Variants in PRRC2B observed in about 807,000 individuals in gnomAD.
PRRC2B encodes protein PRRC2B.
In PRRC2B, 68 loss-of-function variants were observed where a neutral mutation model predicts 242.3. The observed-to-expected ratio is 0.28, with a 90% confidence interval of 0.23 to 0.34. The LOEUF (loss-of-function observed/expected upper bound fraction) is 0.34, where lower values mean the gene tolerates loss of function less well. Among genes scored for constraint, PRRC2B ranks in the 10% least tolerant of loss-of-function variants. The pLI is 1.00. For missense variants in PRRC2B, 2,835 were observed against 2,954.8 expected (o/e 0.96, Z 0.94); for synonymous variants, 1,228 against 1,173.6 (o/e 1.05, Z -0.95).
At chr9:131,421,560 G>A (rs776798712) in intron 1 of PRRC2B, among the ~76,000 whole-genome samples, 3 of 152,162 alleles carry the variant, frequency 2.0e-5, no homozygotes, top group Non-Finnish European at 4.4e-5. Flanking sequence ...CTTTCCGTTC[G>A]TTCTATAAAG....
chr9:131,473,861 C>T (rs930003940), intron 15 of PRRC2B, 137 bp downstream of exon 15: 25 of 648,070 alleles, frequency 3.9e-5, no homozygotes, highest in Middle Eastern at 8.3e-4. Flanking sequence ...CTCCTGGTTC[C>T]TCTGGGGAAG....
intron 31 of PRRC2B, among the ~76,000 whole-genome samples, chr9:131,495,244 G>A (rs1011651772): frequency 8.5e-5 from 13 of 152,108 alleles, no homozygotes; most frequent in African/African-American, 3.1e-4. Flanking sequence ...CCAGGGAAAG[G>A]TTACAGAGTG....
intron 1 of PRRC2B, among the ~76,000 whole-genome samples, chr9:131,427,363 C>T (rs1838004809): frequency 6.6e-6 from 1 of 151,930 alleles, no homozygotes; most frequent in Non-Finnish European, 1.5e-5. Context: ...TGGAGTCTTG[C>T]TCTGTTGCCC....
chr9:131,390,780 G>C (rs917396905), upstream of PRRC2B, among the ~76,000 whole-genome samples: 1 of 73,736 alleles, frequency 1.4e-5, no homozygotes, highest in African/African-American at 5.2e-5. Flanking sequence ...CTGTGCCCTA[G>C]CTTTTTTTTT....
At position 131,480,619 on chromosome 9, in the gene PRRC2B, AT is replaced by A. The variant is rs77800389; in HGVS notation, c.4901-1093del. 7.7e-3 allele frequency among the ~76,000 whole-genome samples: 1,105 copies of A among 144,062 alleles called. 5 individuals carry two copies. Among genetic ancestry groups the A allele is most frequent in the East Asian group, 0.029 (143 of 4,906 alleles). The allele number at this position is 144,062 out of a possible 152,430, so 94.5% of individuals were successfully genotyped here. ...GGATATTAAAATAGCATGTGAAAGG[AT>A]TTTTTTTTTTTTTAAAGATGGGGTC... is the stretch of plus-strand genomic sequence containing the variant. On this transcript the variant is annotated intron_variant, in intron 19 of 31. Transcript: ENST00000683519.
rs141107205 is a variant in PRRC2B at position 131,424,641 on chromosome 9, G to A, written c.-51-5453G>A. On this transcript the variant is annotated intron_variant, in intron 1 of 31. Transcript: ENST00000683519. ...GCAGAGGTTATAGTGAGCCAAGATTGTGCCACTGCACTCCAGCCCGGGCGA... is the reference window on the plus strand; with the variant it reads ...GCAGAGGTTATAGTGAGCCAAGATTATGCCACTGCACTCCAGCCCGGGCGA... 8.6e-4 allele frequency among the ~76,000 whole-genome samples: 131 copies of A among 152,202 alleles called. 1 individual carries two copies. Among genetic ancestry groups the A allele is most frequent in the African/African-American group, 2.9e-3 (122 of 41,540 alleles).
intron 10 of PRRC2B, among the ~76,000 whole-genome samples, chr9:131,456,946 A>G (rs529324720): frequency 2.0e-5 from 3 of 152,296 alleles, no homozygotes; most frequent in Non-Finnish European, 2.9e-5. Flanking sequence ...TTAAAATGTA[A>G]TGTTTTATAT....
chr9:131,457,961 C>T (rs1943131131), intron 10 of PRRC2B, among the ~76,000 whole-genome samples: 1 of 152,164 alleles, frequency 6.6e-6, no homozygotes, highest in South Asian at 2.1e-4. Context: ...CATCTGCCAT[C>T]CCTGATTCCC....
intron 6 of PRRC2B, among the ~76,000 whole-genome samples, chr9:131,445,450 C>T (rs1475010013): frequency 2.0e-5 from 3 of 152,196 alleles, no homozygotes; most frequent in South Asian, 2.1e-4. Context: ...TGAGCCACCG[C>T]GCCCAGCCTG....
chr9:131,486,383 G>A, intron 26 of PRRC2B: 1 of 609,474 alleles, frequency 1.6e-6, no homozygotes, highest in Non-Finnish European at 2.1e-6. Flanking sequence ...GAGTGGAGTT[G>A]GCTGCTCCAG....
rs575032685 is a variant in PRRC2B at position 131,455,174 on chromosome 9, C to T, written c.1211+8C>T. On this transcript the variant is annotated splice_region_variant and intron_variant, in intron 10 of 31. Transcript: ENST00000683519. Reference sequence around the variant, plus strand: ...GGACGGCAGGCCAAAGTGGTAAGGACCCGTTCCTGCCCTATCAGCATGAGT... The same window carrying T: ...GGACGGCAGGCCAAAGTGGTAAGGATCCGTTCCTGCCCTATCAGCATGAGT... 1 of 1,596,160 alleles carries T rather than the reference C, an allele frequency of 6.3e-7. No individual in the cohort carries two copies. Among genetic ancestry groups the T allele is most frequent in the Admixed American group, 1.7e-5 (1 of 59,658 alleles).
At position 131,430,208 on chromosome 9, in the gene PRRC2B, A is replaced by G; in HGVS notation, c.64A>G (p.Ser22Gly). Residue 22 changes from serine to glycine, a missense_variant, in exon 2 of 32, where the codon AGC becomes GGC. This residue lies in a region of PRRC2B where 626 missense variants were observed against 685.5 expected (regional missense o/e 0.91). Coordinates refer to ENST00000683519, the MANE Select transcript of PRRC2B (RefSeq NM_013318.4). ...TGGGAAAAGCAAGTACTCGACTCTC[A>G]GCCTGTTTGATAAGTATAAAGGAAA... The part of the protein sequence containing the change: ...KDGKSKYSTL[S>G]LFDKYKGKSV... 2 of 1,607,888 alleles carry G rather than the reference A, an allele frequency of 1.2e-6. No homozygotes were observed. Among genetic ancestry groups the G allele is most frequent in the Non-Finnish European group, 8.5e-7 (1 of 1,177,098 alleles).
Position 131,496,022 on chromosome 9 carries a change from G to A in PRRC2B, c.*148G>A. ...ACCTCCCTCCTCTCCACTCCCGAAA[G>A]CTCCGTTGTCAACCAGCTTGCACCC... On this transcript the variant is annotated 3_prime_UTR_variant, in exon 32 of 32. Coordinates refer to ENST00000683519, the MANE Select transcript of PRRC2B (RefSeq NM_013318.4). The A allele has an allele frequency of 8.9e-7, 1 of 1,126,448 alleles. No individual in the cohort carries two copies. Among genetic ancestry groups the A allele is most frequent in the Non-Finnish European group, 1.2e-6 (1 of 811,410 alleles). 69.8% of individuals were successfully genotyped at this position (1,126,448 alleles called of 1,614,324 possible).
chr9:131,473,621 C>G lies in PRRC2B; in HGVS notation c.2221C>G (p.Pro741Ala). The G allele has an allele frequency of 1.2e-6, 2 of 1,613,682 alleles. No individual in the cohort carries two copies. Among genetic ancestry groups the G allele is most frequent in the Non-Finnish European group, 1.7e-6 (2 of 1,179,782 alleles). ...AAGAAAAGTGACCCCCATCGACTCACCCCCTGTGTGGAGCCCAGAGGGCTA... is the reference window on the plus strand; with the variant it reads ...AAGAAAAGTGACCCCCATCGACTCAGCCCCTGTGTGGAGCCCAGAGGGCTA... ...QERKVTPIDS[P>A]PVWSPEGYMA... Residue 741 changes from proline to alanine, a missense_variant, in exon 15 of 32, where the codon CCC (proline) becomes GCC (alanine). Pro to Ala is a conservative substitution (Grantham distance 27). Around this residue, in one of 7 missense-constraint regions of PRRC2B, gnomAD observed 1,536 missense variants for 1,483.1 expected, o/e 1.04. Transcript: ENST00000683519.
chr9:131,450,689 G>A (rs1942887090), intron 9 of PRRC2B, among the ~76,000 whole-genome samples: 1 of 152,014 alleles, frequency 6.6e-6, no homozygotes, highest in South Asian at 2.1e-4. Context: ...CTGGGTTCAA[G>A]TGATTCTCAT....
chr9:131,425,710 C>G (rs1202460647), intron 1 of PRRC2B, among the ~76,000 whole-genome samples: 4 of 149,802 alleles, frequency 2.7e-5, no homozygotes, highest in Non-Finnish European at 5.9e-5. Context: ...AGGATGATCT[C>G]GATCTCCTGA....
At chr9:131,478,156 G>T (rs895228046) in intron 17 of PRRC2B, among the ~76,000 whole-genome samples, 5 of 152,170 alleles carry the variant, frequency 3.3e-5, no homozygotes, top group Non-Finnish European at 4.4e-5. Context: ...TTGAATCCCC[G>T]TGACACCCTG....
At position 131,475,621 on chromosome 9, in the gene PRRC2B, G is replaced by C. The variant is rs772528428; in HGVS notation, c.3492G>C (p.Arg1164Ser). Reference protein sequence around the residue: ...ENGNEGSLLEREESTLKKGDC... With the variant: ...ENGNEGSLLESEESTLKKGDC... ...GGAATGAAGGCTCGCTCCTGGAGAG[G>C]GAGGAGAGCACCTTGAAGAAGGGCG... Residue 1164 changes from arginine to serine, a missense_variant, in exon 16 of 32, where the codon AGG (arginine) becomes AGC (serine). Coordinates refer to ENST00000683519, the MANE Select transcript of PRRC2B (RefSeq NM_013318.4). 6.2e-7 allele frequency: 1 copy of C among 1,612,200 alleles called. No individual in the cohort carries two copies. The highest frequency in any genetic ancestry group is 8.5e-7 in the Non-Finnish European group (1 of 1,179,494).
chr9:131,386,528 C>T (rs1836827634), intron 1 of PRRC2B, among the ~76,000 whole-genome samples: 1 of 150,186 alleles, frequency 6.7e-6, no homozygotes, highest in African/African-American at 2.4e-5. Context: ...TTGACTTTCC[C>T]CCCTTAATAC....
Sources: allele counts gnomAD v4.1 joint callset (sites outside exome capture counted in the v4.1 genomes callset), GRCh38; gene constraint gnomAD v4.1.1; regional missense constraint gnomAD v4.1.1; transcripts MANE v1.5; gene names NCBI Gene and HGNC (gene_info 2026-07-23, HGNC 2026-07-21).